Variants in FREM2 observed in about 807,000 individuals in gnomAD.
The protein encoded by FREM2 is FRAS1-related extracellular matrix protein 2.
Under a neutral mutation model 219.9 loss-of-function variants are expected in FREM2, and 119 were observed. That is an observed-to-expected ratio of 0.54 (90% CI 0.47 to 0.63). The LOEUF (loss-of-function observed/expected upper bound fraction) is 0.63, where lower values mean the gene tolerates loss of function less well. Ranked by LOEUF, FREM2 falls within the 30% of genes least tolerant of loss-of-function variation. FREM2 has a pLI of 0.00. For missense variants in FREM2, 4,030 were observed against 3,993.6 expected (o/e 1.01, Z -0.25); for synonymous variants, 1,562 against 1,522.8 (o/e 1.03, Z -0.60).
intron 2 of FREM2, among the ~76,000 whole-genome samples, chr13:38,739,153 T>A (rs1424446099): frequency 1.3e-5 from 2 of 152,192 alleles, no homozygotes; most frequent in African/African-American, 4.8e-5. Flanking sequence ...GGTAGAGTAG[T>A]AGTAGCAATC....
chr13:38,817,068 T>C (rs558787476), intron 6 of FREM2, among the ~76,000 whole-genome samples: 3 of 152,128 alleles, frequency 2.0e-5, no homozygotes, highest in South Asian at 2.1e-4. Flanking sequence ...TGTAAAATAA[T>C]ACAAATACAT....
chr13:38,830,759 A>C (rs1377168772), intron 6 of FREM2, among the ~76,000 whole-genome samples: 1 of 152,026 alleles, frequency 6.6e-6, no homozygotes. Flanking sequence ...CAAGCATTGA[A>C]GGTCCAGCTC....
Position 38,876,548 on chromosome 13 carries a change from G to A in FREM2, c.8544+166G>A, listed in dbSNP as rs966212698. ...AGCTAGGGATAAAAGAATGAGGAGA[G>A]ATTTGCCCTTTATCTGTTGTTAGTA... On this transcript the variant is annotated intron_variant, in intron 20 of 23. Transcript: ENST00000280481. 2.0e-5 allele frequency among the ~76,000 whole-genome samples: 3 copies of A among 152,292 alleles called. No individual in the cohort carries two copies. The East Asian group carries it at 5.8e-4, about 29-fold the overall frequency.
At chr13:38,839,482 C>T (rs1019624805) in intron 6 of FREM2, among the ~76,000 whole-genome samples, 2 of 152,204 alleles carry the variant, frequency 1.3e-5, no homozygotes, top group South Asian at 2.1e-4. Context: ...TAGCAGAGCT[C>T]GTGCACTGTG....
In FREM2 at chr13:38,883,232, A is replaced by G. The variant is rs1329895472; in HGVS notation, c.*2445A>G. 2 of 152,096 alleles carry G rather than the reference A, an allele frequency of 1.3e-5. No homozygotes were observed. Among genetic ancestry groups the G allele is most frequent in the Non-Finnish European group, 2.9e-5 (2 of 68,004 alleles). The allele number at this position is 152,096 out of a possible 1,614,324, so 9.4% of individuals were successfully genotyped here. The stretch of plus-strand genomic sequence containing the variant: ...GGGATTTTGCATTATTTTTCTTAAT[A>G]TCTATTTACTAAGTATGTAATTTAA... On this transcript the variant is annotated 3_prime_UTR_variant, in exon 24 of 24. Coordinates refer to ENST00000280481, the MANE Select transcript of FREM2 (RefSeq NM_207361.6).
In FREM2 at chr13:38,687,539, G is replaced by T. The variant is rs764651386; in HGVS notation, c.195G>T (p.Gly65=). The change falls in exon 1 of 24, where the codon GGG becomes GGT. Residue 65 remains glycine (G), a synonymous_variant. Transcript: ENST00000280481. ...LLSPGLAGAA[G]VPAEEAIVLA... ...CCCCTGGTCTCGCGGGGGCTGCAGG[G>T]GTCCCTGCTGAGGAGGCCATAGTGC... 4 of 1,601,034 alleles carry T rather than the reference G, an allele frequency of 2.5e-6. No individual in the cohort carries two copies. Among genetic ancestry groups the T allele is most frequent in the Non-Finnish European group, 3.4e-6 (4 of 1,173,826 alleles).
chr13:38,799,718 C>A (rs1566146515), intron 6 of FREM2, among the ~76,000 whole-genome samples: 1 of 150,600 alleles, frequency 6.6e-6, no homozygotes, highest in African/African-American at 2.4e-5. Context: ...TATATAGTGA[C>A]CTTCTTTCTC....
At chr13:38,775,830 G>A (rs1873849298) in intron 4 of FREM2, among the ~76,000 whole-genome samples, 1 of 152,106 alleles carries the variant, frequency 6.6e-6, no homozygotes, top group South Asian at 2.1e-4. Flanking sequence ...TGTTGGCCAG[G>A]CTGGTCTCGA....
At chr13:38,809,573 T>C (rs1025551349) in intron 6 of FREM2, among the ~76,000 whole-genome samples, 3 of 152,132 alleles carry the variant, frequency 2.0e-5, no homozygotes, top group African/African-American at 7.2e-5. Context: ...GAACAATTTA[T>C]TGAAGAGACT....
chr13:38,739,756 C>T (rs949932547), intron 2 of FREM2, among the ~76,000 whole-genome samples: 4 of 152,146 alleles, frequency 2.6e-5, no homozygotes, highest in African/African-American at 7.2e-5. Flanking sequence ...CACGGTGGTT[C>T]TAAGAGCAGG....
intron 20 of FREM2, 128 bp downstream of exon 20, chr13:38,876,510 A>G (rs1351282204): frequency 2.5e-6 from 2 of 811,944 alleles, no homozygotes; most frequent in South Asian, 1.5e-5. Context: ...AAAAGAAATC[A>G]GACAGTTAAG....
At chr13:38,789,351 A>G (rs1459972837) in intron 6 of FREM2, among the ~76,000 whole-genome samples, 1 of 151,858 alleles carries the variant, frequency 6.6e-6, no homozygotes, top group Non-Finnish European at 1.5e-5. Context: ...TCAAAATAAT[A>G]CTGTAAATTA....
intron 4 of FREM2, among the ~76,000 whole-genome samples, chr13:38,779,137 A>G (rs188992214): frequency 5.4e-4 from 82 of 152,190 alleles, no homozygotes; most frequent in African/African-American, 1.9e-3. Context: ...ACAGAAAACC[A>G]GACACTGCAT....
In FREM2 at chr13:38,876,160, A is replaced by G; in HGVS notation, c.8409+11A>G. 1 of 1,614,090 alleles carries G rather than the reference A, an allele frequency of 6.2e-7. No individual in the cohort carries two copies. Among genetic ancestry groups the G allele is most frequent in the Non-Finnish European group, 8.5e-7 (1 of 1,180,012 alleles). On this transcript the variant is annotated intron_variant, in intron 19 of 23. Coordinates refer to ENST00000280481, the MANE Select transcript of FREM2 (RefSeq NM_207361.6). The stretch of plus-strand genomic sequence containing the variant: ...GTCTCTGACTTTGCCGTAAGTGACT[A>G]AGACTCTTAATTAATTTTCTTCTGC...
intron 6 of FREM2, among the ~76,000 whole-genome samples, chr13:38,816,987 A>G (rs757548191): frequency 6.6e-6 from 1 of 152,090 alleles, no homozygotes; most frequent in African/African-American, 2.4e-5. Flanking sequence ...CAAAAAAGAT[A>G]CCTAGTAATA....
chr13:38,722,140 C>T (rs996897342), intron 2 of FREM2, among the ~76,000 whole-genome samples: 4 of 152,112 alleles, frequency 2.6e-5, no homozygotes, highest in Admixed American at 6.6e-5. Context: ...CTGCCTCCGC[C>T]TCCCTAGTAG....
At chr13:38,817,873 A>G (rs1875831525) in intron 6 of FREM2, among the ~76,000 whole-genome samples, 1 of 152,114 alleles carries the variant, frequency 6.6e-6, no homozygotes, top group Non-Finnish European at 1.5e-5. Context: ...TAACAATATT[A>G]ATCAAAAATG....
chr13:38,753,484 C>T (rs779164634), intron 2 of FREM2, among the ~76,000 whole-genome samples: 3 of 152,202 alleles, frequency 2.0e-5, no homozygotes, highest in Non-Finnish European at 4.4e-5. Flanking sequence ...ATTCATTCTG[C>T]TCTAAAATGC....
In FREM2 at chr13:38,691,585, T is replaced by A; in HGVS notation, c.4241T>A (p.Ile1414Asn). The change falls in exon 1 of 24, where the codon ATC becomes AAC. Residue 1414 changes from isoleucine (I) to asparagine (N), a missense_variant. By Grantham distance (149) the Ile-to-Asn change is moderately radical (BLOSUM62 -3). Around this residue, in one of 2 missense-constraint regions of FREM2, gnomAD observed 3,102 missense variants for 2,950.7 expected, o/e 1.05. Transcript: ENST00000280481. The stretch of plus-strand genomic sequence containing the variant: ...ATAGATCGTTACTTTTATGTGTCCA[T>A]CGGGAGCATTGACATTGTCTTCCCT... ...PLIDRYFYVS[I>N]GSIDIVFPDV... The A allele has an allele frequency of 1.9e-6, 3 of 1,614,180 alleles. No individual in the cohort carries two copies. Among genetic ancestry groups the A allele is most frequent in the Non-Finnish European group, 2.5e-6 (3 of 1,180,034 alleles).
Sources: gnomAD v4.1 joint callset for allele counts (sites outside exome capture counted in the v4.1 genomes callset) on GRCh38, gnomAD v4.1.1 for gene constraint, gnomAD v4.1.1 regional missense constraint, MANE v1.5 for transcripts, NCBI Gene and HGNC (gene_info 2026-07-23, HGNC 2026-07-21) for gene names.